Variants in IL1R2 observed in about 807,000 individuals in gnomAD.
IL1R2 encodes the protein interleukin 1 receptor type 2, also known as interleukin-1 receptor type 2.
IL1R2 carries 46 observed loss-of-function variants against 39.5 expected under a neutral mutation model. That is an observed-to-expected ratio of 1.16 (90% CI 0.92 to 1.49). The LOEUF (loss-of-function observed/expected upper bound fraction) is 1.49. IL1R2 is among the 40% of genes most tolerant of loss of function. IL1R2 has a pLI of 0.00. For synonymous variants in IL1R2, 207 were observed against 189.6 expected, an observed-to-expected ratio of 1.09 and a Z score of -0.75; for missense variants, 537 against 502.0, an observed-to-expected ratio of 1.07 and a Z score of -0.67.
At chr2:102,026,346 C>T (rs1178034093) in intron 8 of IL1R2, 93 bp downstream of exon 8, 1 of 1,018,274 alleles carries the variant, frequency 9.8e-7, no homozygotes. Flanking sequence ...CCAAATGATT[C>T]CATAGAAATT....
intron 1 of IL1R2, among the ~76,000 whole-genome samples, chr2:101,993,797 C>T (rs142848659): frequency 1.1e-3 from 168 of 152,328 alleles, no homozygotes; most frequent in African/African-American, 3.8e-3. Flanking sequence ...ACCCACAACT[C>T]TGCTGTAAGA....
At chr2:101,992,766 G>A (rs1219283275) in intron 1 of IL1R2, among the ~76,000 whole-genome samples, 1 of 152,190 alleles carries the variant, frequency 6.6e-6, no homozygotes, top group Non-Finnish European at 1.5e-5. Flanking sequence ...GAGAGACGGA[G>A]ACAGAAGAGA....
chr2:102,008,588 T>TA lies in IL1R2; in HGVS notation c.14dup (p.Tyr5Ter). Residue 5 changes from tyrosine (Y) to a stop codon, truncating the protein, a stop_gained and frameshift_variant, in exon 2 of 9, where the codon TAC (tyrosine) becomes TAAC (stop). Coordinates refer to ENST00000332549, the MANE Select transcript of IL1R2 (RefSeq NM_004633.4). LOFTEE classifies it high-confidence loss of function. ...GTTGTCAGGAGCAATGTTGCGCTTGTACGTGTTGGTAATGGGAGTTTCTGC... is the reference window on the plus strand; with the variant it reads ...GTTGTCAGGAGCAATGTTGCGCTTGTAACGTGTTGGTAATGGGAGTTTCTGC... The part of the protein sequence containing the change: MLRL[Y>*]VLVMGVSAFT... The TA allele has an allele frequency of 1.2e-6, 2 of 1,614,102 alleles. No homozygotes were observed. The highest frequency in any genetic ancestry group is 1.7e-6 in the Non-Finnish European group (2 of 1,179,962).
At chr2:102,001,473 C>A (rs1675857629) in intron 1 of IL1R2, among the ~76,000 whole-genome samples, 1 of 152,190 alleles carries the variant, frequency 6.6e-6, no homozygotes, top group African/African-American at 2.4e-5. Context: ...GGCTAGTGTC[C>A]AGGACATCGC....
intron 5 of IL1R2, among the ~76,000 whole-genome samples, chr2:102,021,513 A>G (rs1383271888): frequency 1.3e-5 from 2 of 151,900 alleles, no homozygotes; most frequent in Non-Finnish European, 2.9e-5. Context: ...ACAGGGGTTC[A>G]CCATGTTGGT....
At chr2:102,027,531 C>A (rs377684680) in intron 8 of IL1R2, among the ~76,000 whole-genome samples, 1 of 152,136 alleles carries the variant, frequency 6.6e-6, no homozygotes, top group East Asian at 1.9e-4. Context: ...GAACTTATTT[C>A]TAATCTTTGT....
Position 102,019,819 on chromosome 2 carries a change from A to G in IL1R2, c.688+7A>G. The G allele has an allele frequency of 6.2e-7, 1 of 1,611,014 alleles. No homozygotes were observed. The highest frequency in any genetic ancestry group is 8.5e-7 in the Non-Finnish European group (1 of 1,178,298). On this transcript the variant is annotated splice_region_variant and intron_variant, in intron 5 of 8. Transcript: ENST00000332549. ...ATTGAGCTACGCATCAAGAGTAAGTACTTGCCATTGAGGCACCTATCTATC... is the reference window on the plus strand; with the variant it reads ...ATTGAGCTACGCATCAAGAGTAAGTGCTTGCCATTGAGGCACCTATCTATC...
chr2:102,010,527 G>T (rs918965185), intron 3 of IL1R2, among the ~76,000 whole-genome samples: 5 of 150,324 alleles, frequency 3.3e-5, no homozygotes, highest in Admixed American at 2.7e-4. Context: ...AGTGAGCGGA[G>T]ATCGAGCCAC....
chr2:102,003,923 G>A (rs202167918), intron 1 of IL1R2, among the ~76,000 whole-genome samples: 2 of 151,790 alleles, frequency 1.3e-5, no homozygotes, highest in African/African-American at 4.8e-5. Context: ...CTATGTGTAT[G>A]TCTAGGTCTA....
At chr2:102,011,188 C>A (rs900202757) in intron 3 of IL1R2, among the ~76,000 whole-genome samples, 4 of 152,176 alleles carry the variant, frequency 2.6e-5, no homozygotes, top group Admixed American at 2.0e-4. Context: ...ATTGTGAATC[C>A]AATATGAACA....
chr2:102,024,601 TG>T lies in IL1R2; in HGVS notation c.822del (p.Trp274Ter), dbSNP rs1677615754. 6.2e-7 allele frequency: 1 copy of T among 1,613,912 alleles called. No individual in the cohort carries two copies. The highest frequency in any genetic ancestry group is 1.3e-5 in the African/African-American group (1 of 74,838). On this transcript the variant is annotated frameshift_variant, in exon 7 of 9. Transcript: ENST00000332549. LOFTEE classifies it high-confidence loss of function. ...TGTPLTTMLW[W>X]TANDTHIESA... ...CACACCCTTAACCACCATGCTGTGG[TG>T]GACGGCCAATGACACCCACATAGAG...
At position 102,019,763 on chromosome 2, in the gene IL1R2, T is replaced by C. The variant is rs756580737; in HGVS notation, c.639T>C (p.His213=). ...GYYRCVLTFA[H]EGQQYNITRS... Reference sequence around the variant, plus strand: ...ACCGCTGTGTCCTGACATTTGCCCATGAAGGCCAGCAATACAACATCACTA... The same window carrying C: ...ACCGCTGTGTCCTGACATTTGCCCACGAAGGCCAGCAATACAACATCACTA... Residue 213 remains histidine (H), a synonymous_variant, in exon 5 of 9, where the codon CAT becomes CAC. Coordinates refer to ENST00000332549, the MANE Select transcript of IL1R2 (RefSeq NM_004633.4). The C allele has an allele frequency of 1.2e-6, 2 of 1,614,086 alleles. No homozygotes were observed. The highest frequency in any genetic ancestry group is 1.1e-5 in the South Asian group (1 of 91,078).
intron 4 of IL1R2, among the ~76,000 whole-genome samples, chr2:102,019,118 C>A (rs1246568440): frequency 1.3e-5 from 2 of 152,286 alleles, no homozygotes; most frequent in East Asian, 3.9e-4. Context: ...CCCAGAGAAC[C>A]TTGTGTCCAT....
chr2:102,006,798 G>A (rs374075505), intron 1 of IL1R2, among the ~76,000 whole-genome samples: 27 of 152,370 alleles, frequency 1.8e-4, no homozygotes, highest in South Asian at 4.1e-4. Context: ...TCCCACTTCC[G>A]GCCCTGCCGA....
chr2:101,996,307 T>C (rs1307211567), intron 1 of IL1R2, among the ~76,000 whole-genome samples: 4 of 151,972 alleles, frequency 2.6e-5, no homozygotes, highest in African/African-American at 4.8e-5. Flanking sequence ...AGAATGCAAA[T>C]GGAACACTTG....
chr2:102,025,068 TGTTTCTCAGGGAGCTGTGG>T (rs1286814170), intron 7 of IL1R2, among the ~76,000 whole-genome samples: 4 of 152,176 alleles, frequency 2.6e-5, no homozygotes, highest in Non-Finnish European at 5.9e-5. Flanking sequence ...GTACCTCTTC[TGTTTCTCAGGGAGCTGTGG>T]GCTGCCACAA....
intron 3 of IL1R2, among the ~76,000 whole-genome samples, chr2:102,012,993 G>A (rs1343019933): frequency 6.6e-6 from 1 of 152,166 alleles, no homozygotes; most frequent in Non-Finnish European, 1.5e-5. Context: ...ATCACAGAAT[G>A]TGAAGGAACT....
At chr2:101,997,575 C>T (rs28688254) in intron 1 of IL1R2, among the ~76,000 whole-genome samples, 32,636 of 152,046 alleles carry the variant, frequency 0.21, 4,548 homozygotes, top group African/African-American at 0.39. Flanking sequence ...GCTGTGGCTA[C>T]AGGTCATCTT....
intron 6 of IL1R2, chr2:102,023,658 C>T (rs1677534645): frequency 6.6e-6 from 1 of 152,042 alleles, no homozygotes; most frequent in Non-Finnish European, 1.5e-5. Context: ...TTCTACTCTT[C>T]TTTGTGAATG....
Sources: allele counts gnomAD v4.1 joint callset (sites outside exome capture counted in the v4.1 genomes callset), GRCh38; gene constraint gnomAD v4.1.1; transcripts MANE v1.5; gene names NCBI Gene and HGNC (gene_info 2026-07-23, HGNC 2026-07-21).